CA5A: variants seen among roughly 807,000 people sequenced by gnomAD.
CA5A encodes carbonic anhydrase 5A, mitochondrial.
CA5A carries 28 observed loss-of-function variants against 37.1 expected under a neutral mutation model. The observed-to-expected ratio is 0.75, with a 90% CI of 0.56 to 1.03. The LOEUF is 1.03. Among genes scored for constraint, CA5A ranks in the 50% least tolerant of loss-of-function variants. CA5A has a pLI of 0.00. For synonymous variants in CA5A, 171 were observed against 158.4 expected, an observed-to-expected ratio of 1.08 and a Z score of -0.60; for missense variants, 444 against 399.9, an observed-to-expected ratio of 1.11 and a Z score of -0.94.
At chr16:87,930,650 G>C (rs1241647615) in intron 1 of CA5A, among the ~76,000 whole-genome samples, 1 of 152,098 alleles carries the variant, frequency 6.6e-6, no homozygotes, top group Non-Finnish European at 1.5e-5. Flanking sequence ...TGCGGCGTGG[G>C]GACAGCACAG....
intron 3 of CA5A, 142 bp downstream of exon 3, chr16:87,904,644 G>C: frequency 3.5e-6 from 2 of 568,394 alleles, no homozygotes; most frequent in South Asian, 3.0e-5. Context: ...GGCGGCCGAC[G>C]GTTCTGGTTT....
chr16:87,936,251 C>T, intron 1 of CA5A, 58 bp downstream of exon 1: 1 of 1,229,820 alleles, frequency 8.1e-7, no homozygotes, highest in Non-Finnish European at 1.2e-6. Flanking sequence ...TCTCGAAAGA[C>T]CCCATCAGCT....
chr16:87,907,137 G>T (rs1445653400), intron 2 of CA5A, among the ~76,000 whole-genome samples: 4 of 152,108 alleles, frequency 2.6e-5, no homozygotes, highest in Non-Finnish European at 5.9e-5. Context: ...AGAATCGCTT[G>T]AACCTGGCGG....
At chr16:87,926,614 G>C (rs1387639494) in intron 2 of CA5A, 134 bp downstream of exon 2, 4 of 695,604 alleles carry the variant, frequency 5.8e-6, no homozygotes, top group African/African-American at 3.5e-5. Context: ...CCTCAAGCGA[G>C]TCTCTGTCCC....
At chr16:87,901,891 G>C (rs2055883342) in intron 5 of CA5A, 21 bp downstream of exon 5, 1 of 1,608,776 alleles carries the variant, frequency 6.2e-7, no homozygotes, top group South Asian at 1.1e-5. Context: ...CCGGCCTGCT[G>C]ATTTCAAATA....
At chr16:87,921,314 G>A (rs1383637979) in intron 2 of CA5A, among the ~76,000 whole-genome samples, 1 of 152,202 alleles carries the variant, frequency 6.6e-6, no homozygotes, top group Non-Finnish European at 1.5e-5. Flanking sequence ...ATTAGTACAG[G>A]GGTTGACTTG....
intron 1 of CA5A, among the ~76,000 whole-genome samples, chr16:87,929,159 T>C (rs1158338946): frequency 6.7e-6 from 1 of 149,800 alleles, no homozygotes; most frequent in African/African-American, 2.4e-5. Context: ...AGGATAAAGA[T>C]GTATAGCCCT....
intron 2 of CA5A, chr16:87,924,274 G>A (rs1246239001): frequency 8.1e-6 from 8 of 985,490 alleles, no homozygotes; most frequent in Non-Finnish European, 9.6e-6. Context: ...GGGGGTTGCA[G>A]TGGAGCCTGA....
At chr16:87,915,515 C>T (rs1190516331) in intron 2 of CA5A, among the ~76,000 whole-genome samples, 1 of 145,488 alleles carries the variant, frequency 6.9e-6, no homozygotes, top group African/African-American at 2.5e-5. Flanking sequence ...AGTACCAGAT[C>T]CTGTGTCAAA....
At chr16:87,894,876 G>A (rs2055779159) in intron 5 of CA5A, among the ~76,000 whole-genome samples, 1 of 151,746 alleles carries the variant, frequency 6.6e-6, no homozygotes, top group African/African-American at 2.4e-5. Context: ...GAGAGACTCT[G>A]TCTCAAACAA....
intron 5 of CA5A, among the ~76,000 whole-genome samples, chr16:87,894,842 G>A (rs940294135): frequency 5.9e-5 from 9 of 151,272 alleles, no homozygotes; most frequent in Admixed American, 2.0e-4. Flanking sequence ...TGGCACCATT[G>A]CACTCCAGCC....
At chr16:87,930,571 C>T (rs529033619) in intron 1 of CA5A, among the ~76,000 whole-genome samples, 4 of 151,974 alleles carry the variant, frequency 2.6e-5, no homozygotes, top group Admixed American at 1.3e-4. Context: ...AGGATGCTGA[C>T]GAGTAAAGCT....
chr16:87,920,111 G>A (rs1393264266), intron 2 of CA5A, among the ~76,000 whole-genome samples: 1 of 152,134 alleles, frequency 6.6e-6, no homozygotes, highest in South Asian at 2.1e-4. Flanking sequence ...ACGAAGCATG[G>A]ACGAGGCTGA....
At chr16:87,923,052 G>A (rs1195352613) in intron 2 of CA5A, among the ~76,000 whole-genome samples, 1 of 152,252 alleles carries the variant, frequency 6.6e-6, no homozygotes, top group African/African-American at 2.4e-5. Flanking sequence ...CGGAACGGAA[G>A]CCGGCTCCTT....
chr16:87,902,601 G>C, intron 3 of CA5A, 81 bp from the exon 4 acceptor site: 1 of 785,498 alleles, frequency 1.3e-6, no homozygotes, highest in Non-Finnish European at 2.3e-6. Flanking sequence ...GCTGACCTAT[G>C]TGTCCACTTA....
rs1336248273 is a variant in CA5A, at chr16:87,936,432, A to G, written c.19T>C (p.Trp7Arg). ...AAGAAGGAGAAAGCTGAGGTCTTCC[A>G]AGTGTTCCTCCCCAACATCTTGGGT... MLGRNT[W>R]KTSAFSFLVE... The change falls in exon 1 of 7, where the codon TGG becomes CGG. Residue 7 changes from tryptophan (W) to arginine (R), a missense_variant. Coordinates refer to ENST00000649794, the MANE Select transcript of CA5A (RefSeq NM_001739.2). 4 of 1,613,984 alleles carry G rather than the reference A, an allele frequency of 2.5e-6. No homozygotes were observed. In the South Asian group the frequency reaches 3.3e-5, roughly 13 times the overall value.
chr16:87,911,799 G>A lies in CA5A; in HGVS notation c.341-6895C>T, dbSNP rs1200282946. On this transcript the variant is annotated intron_variant, in intron 2 of 6. Coordinates refer to ENST00000649794, the MANE Select transcript of CA5A (RefSeq NM_001739.2). The surrounding 1 kb of genome is among the most constrained non-coding windows in gnomAD (Gnocchi z 4.6). ...GTGGGCTCCAATCCTGGCTTCACACGGTGGGGCTTTGCAAGTTGTTTTATA... is the reference window on the plus strand; with the variant it reads ...GTGGGCTCCAATCCTGGCTTCACACAGTGGGGCTTTGCAAGTTGTTTTATA... Among the ~76,000 whole-genome samples, 1 of 152,116 alleles carries A rather than the reference G, an allele frequency of 6.6e-6. No homozygotes were observed. The highest frequency in any genetic ancestry group is 2.4e-5 in the African/African-American group (1 of 41,396).
intron 2 of CA5A, among the ~76,000 whole-genome samples, chr16:87,905,512 C>T (rs1056388230): frequency 3.3e-5 from 5 of 152,156 alleles, no homozygotes; most frequent in Admixed American, 3.3e-4. Flanking sequence ...GCATGTGCCA[C>T]CAGGCCAAGC....
At chr16:87,904,751 G>A in intron 3 of CA5A, 35 bp downstream of exon 3, 1 of 1,244,880 alleles carries the variant, frequency 8.0e-7, no homozygotes, top group Non-Finnish European at 1.2e-6. Context: ...CATGGAAAGT[G>A]TGCAGATATG....
Sources: allele counts gnomAD v4.1 joint callset (sites outside exome capture counted in the v4.1 genomes callset), GRCh38; gene constraint gnomAD v4.1.1; non-coding constraint Gnocchi (gnomAD v3.1); transcripts MANE v1.5; gene names NCBI Gene and HGNC (gene_info 2026-07-23, HGNC 2026-07-21).